Variants in ADARB1 observed in about 807,000 individuals in gnomAD.
ADARB1 encodes adenosine deaminase RNA specific B1.
In ADARB1, 10 loss-of-function variants were observed where a neutral mutation model predicts 52.4. That is an observed-to-expected ratio of 0.19 (90% CI 0.12 to 0.32). The LOEUF is 0.32. Among genes scored for constraint, ADARB1 ranks in the 10% least tolerant of loss-of-function variants. The pLI is 1.00. For synonymous variants in ADARB1, 349 were observed against 371.1 expected, an observed-to-expected ratio of 0.94 and a Z score of 0.68; for missense variants, 643 against 922.3, an observed-to-expected ratio of 0.70 and a Z score of 3.92.
chr21:45,103,960 T>G (rs2087135876), intron 1 of ADARB1, among the ~76,000 whole-genome samples: 1 of 152,206 alleles, frequency 6.6e-6, no homozygotes, highest in African/African-American at 2.4e-5. Context: ...CCTTACACAG[T>G]ATATCCTTTG....
Position 45,204,448 on chromosome 21 carries a change from G to A in ADARB1, c.1566-107G>A, listed in dbSNP as rs2092626248. On this transcript the variant is annotated intron_variant, in intron 8 of 10. Coordinates refer to ENST00000348831, the MANE Select transcript of ADARB1 (RefSeq NM_001112.4). This position sits in a 1 kb window ranked among gnomAD's most constrained non-coding sequence, Gnocchi z 4.4. ...TTGCACTCCTTCGTCAGTTGGTTGG[G>A]ATCCTGCGGAATTGCCAGTGCATCC... is the stretch of plus-strand genomic sequence containing the variant. 1.8e-6 allele frequency: 2 copies of A among 1,091,072 alleles called. No individual in the cohort carries two copies. The highest frequency in any genetic ancestry group is 4.3e-5 in the Admixed American group (2 of 46,154). 67.6% of individuals were successfully genotyped at this position (1,091,072 alleles called of 1,614,324 possible).
At chr21:45,152,174 C>G (rs1005474173) in intron 2 of ADARB1, among the ~76,000 whole-genome samples, 1 of 152,160 alleles carries the variant, frequency 6.6e-6, no homozygotes, top group Admixed American at 6.5e-5. Flanking sequence ...TGTGTGGTAG[C>G]CTGTTACTTT....
At chr21:45,160,190 C>T (rs952004006) in intron 2 of ADARB1, among the ~76,000 whole-genome samples, 3 of 152,206 alleles carry the variant, frequency 2.0e-5, no homozygotes, top group African/African-American at 7.2e-5. Context: ...GGAAGGAAAA[C>T]ACATGGTCTT....
chr21:45,169,874 A>T (rs1247902263), intron 2 of ADARB1, among the ~76,000 whole-genome samples: 1 of 152,150 alleles, frequency 6.6e-6, no homozygotes, highest in Non-Finnish European at 1.5e-5. Flanking sequence ...TCTGAAGCTC[A>T]GTTTGACGAG....
In ADARB1 at chr21:45,222,311, A is replaced by C; in HGVS notation, c.*114A>C. ...TACCTTGGGGAGGGAGTAGGGGGAC[A>C]CGGGGGACCACCAGGTGTCCACGGT... On this transcript the variant is annotated 3_prime_UTR_variant, in exon 11 of 11. Transcript: ENST00000348831. 3.7e-4 allele frequency: 448 copies of C among 1,226,872 alleles called. No homozygotes were observed. Among genetic ancestry groups the C allele is most frequent in the East Asian group, 1.4e-3 (33 of 24,288 alleles). The allele number at this position is 1,226,872 out of a possible 1,614,324, so 76.0% of individuals were successfully genotyped here.
At position 45,141,139 on chromosome 21, in the gene ADARB1, T is replaced by C. The variant is rs558238448; in HGVS notation, c.-48+12566T>C. ...CTTGATCCCAGGAGACGGGTGGCAA[T>C]GAGCCAAGATTGTGCCAATGCACTC... On this transcript the variant is annotated intron_variant, in intron 2 of 10. Coordinates refer to ENST00000348831, the MANE Select transcript of ADARB1 (RefSeq NM_001112.4). Among the ~76,000 whole-genome samples the C allele has an allele frequency of 1.6e-4, 25 of 152,236 alleles. No individual in the cohort carries two copies. In the East Asian group the frequency reaches 4.6e-3, roughly 28 times the overall value.
chr21:45,177,745 A>G (rs1024128514), intron 4 of ADARB1, among the ~76,000 whole-genome samples: 1 of 152,220 alleles, frequency 6.6e-6, no homozygotes, highest in African/African-American at 2.4e-5. Flanking sequence ...GTTGGCTACA[A>G]TTAGAACAAC....
At chr21:45,177,326 T>TC (rs1447143525) in intron 4 of ADARB1, 2 of 152,550 alleles carry the variant, frequency 1.3e-5, no homozygotes, top group African/African-American at 4.8e-5. Flanking sequence ...ACTTTGAATT[T>TC]CCTACATGGG....
At chr21:45,198,265 G>A (rs540570613) in intron 8 of ADARB1, among the ~76,000 whole-genome samples, 15 of 152,202 alleles carry the variant, frequency 9.9e-5, no homozygotes, top group African/African-American at 3.4e-4. Context: ...CAACAGAACC[G>A]GTGAGGCTGA....
intron 8 of ADARB1, among the ~76,000 whole-genome samples, chr21:45,188,364 C>T (rs952929189): frequency 2.6e-5 from 4 of 152,220 alleles, no homozygotes; most frequent in African/African-American, 9.7e-5. Context: ...GCCTCGGCCT[C>T]CCAAAGTGCT....
At chr21:45,109,974 G>A (rs906619387) in intron 1 of ADARB1, among the ~76,000 whole-genome samples, 1 of 152,142 alleles carries the variant, frequency 6.6e-6, no homozygotes, top group Non-Finnish European at 1.5e-5. Flanking sequence ...CTCTAGTCAC[G>A]CTTCAGCTGC....
Position 45,216,760 on chromosome 21 carries a change from C to T in ADARB1, c.1748-4076C>T, listed in dbSNP as rs963425671. Among the ~76,000 whole-genome samples, 28 of 151,900 alleles carry T rather than the reference C, an allele frequency of 1.8e-4. 1 individual carries two copies. Among genetic ancestry groups the T allele is most frequent in the Admixed American group, 9.8e-4 (15 of 15,248 alleles). Reference sequence around the variant, plus strand: ...TATTTATTTTCTTTTATATTCTTACCGATCTTCTACTTGGTCTATCAGTTA... The same window carrying T: ...TATTTATTTTCTTTTATATTCTTACTGATCTTCTACTTGGTCTATCAGTTA... On this transcript the variant is annotated intron_variant, in intron 9 of 10. Coordinates refer to ENST00000348831, the MANE Select transcript of ADARB1 (RefSeq NM_001112.4).
intron 2 of ADARB1, among the ~76,000 whole-genome samples, chr21:45,147,505 G>A (rs1452161936): frequency 6.6e-6 from 1 of 152,202 alleles, no homozygotes; most frequent in Non-Finnish European, 1.5e-5. Flanking sequence ...TGTGCAAGGT[G>A]ACTTGTAATA....
chr21:45,188,232 G>A (rs1029419829), intron 8 of ADARB1, among the ~76,000 whole-genome samples: 7 of 152,096 alleles, frequency 4.6e-5, no homozygotes, highest in East Asian at 1.9e-4. Flanking sequence ...TCAGCCTCCC[G>A]AGTAGCTGGG....
intron 2 of ADARB1, among the ~76,000 whole-genome samples, chr21:45,136,786 T>C (rs1370151191): frequency 6.6e-6 from 1 of 152,216 alleles, no homozygotes; most frequent in Non-Finnish European, 1.5e-5. Flanking sequence ...CCAGCTGGTG[T>C]CCACAGGGGC....
chr21:45,220,753 G>T lies in ADARB1; in HGVS notation c.1748-83G>T. On this transcript the variant is annotated intron_variant, in intron 9 of 10. Transcript: ENST00000348831. This position sits in a 1 kb window ranked among gnomAD's most constrained non-coding sequence, Gnocchi z 6.3. ...ACCACGCACTTCTGTGGCCATGTCT[G>T]AGCACAGTGTGCCGCCCGTGGCTGC... The T allele has an allele frequency of 6.7e-7, 1 of 1,481,724 alleles. No individual in the cohort carries two copies. The highest frequency in any genetic ancestry group is 1.2e-5 in the South Asian group (1 of 81,502). 91.8% of individuals were successfully genotyped at this position (1,481,724 alleles called of 1,614,324 possible).
rs1264100726 is a variant in ADARB1 at position 45,222,270 on chromosome 21, A to G, written c.*73A>G. 2.1e-6 allele frequency: 3 copies of G among 1,433,004 alleles called. No individual in the cohort carries two copies. Among genetic ancestry groups the G allele is most frequent in the Non-Finnish European group, 2.7e-6 (3 of 1,092,354 alleles). The allele number at this position is 1,433,004 out of a possible 1,614,324, so 88.8% of individuals were successfully genotyped here. ...TCATCCTCCAGAACCTCACATCTGA[A>G]CTGGGGGCAGGTGCATACCTTGGGG... is the stretch of plus-strand genomic sequence containing the variant. On this transcript the variant is annotated 3_prime_UTR_variant, in exon 11 of 11. Transcript: ENST00000348831.
chr21:45,201,007 C>T (rs1043289330), intron 8 of ADARB1, among the ~76,000 whole-genome samples: 1 of 152,146 alleles, frequency 6.6e-6, no homozygotes, highest in African/African-American at 2.4e-5. Flanking sequence ...TGCACTGAGC[C>T]GAGGCCATGC....
chr21:45,121,579 C>A (rs1047087208), intron 1 of ADARB1, among the ~76,000 whole-genome samples: 3 of 152,124 alleles, frequency 2.0e-5, no homozygotes, highest in African/African-American at 7.2e-5. Context: ...AGCTCCCATG[C>A]TTTTGGTACT....
Sources: gnomAD v4.1 joint callset for allele counts (sites outside exome capture counted in the v4.1 genomes callset) on GRCh38, gnomAD v4.1.1 for gene constraint, Gnocchi (gnomAD v3.1) non-coding constraint, MANE v1.5 for transcripts, NCBI Gene and HGNC (gene_info 2026-07-23, HGNC 2026-07-21) for gene names.